GGA2: variants seen among roughly 807,000 people sequenced by gnomAD.
GGA2 encodes the protein ADP-ribosylation factor-binding protein GGA2.
A neutral mutation model predicts 79.5 loss-of-function variants in GGA2; 48 were observed. The observed-to-expected ratio is 0.60, with a 90% CI of 0.48 to 0.77. GGA2 has a LOEUF of 0.77. Among genes scored for constraint, GGA2 ranks in the 30% least tolerant of loss-of-function variants. The pLI, the probability that GGA2 is intolerant of heterozygous loss-of-function variation, is 0.00. For synonymous variants in GGA2, 317 were observed against 302.0 expected, an observed-to-expected ratio of 1.05 and a Z score of -0.51; for missense variants, 770 against 774.0, an observed-to-expected ratio of 0.99 and a Z score of 0.06.
chr16:23,486,726 T>C lies in GGA2; in HGVS notation c.644A>G (p.Lys215Arg), dbSNP rs1964717827. Residue 215 changes from lysine (K) to arginine (R), a missense_variant, in exon 7 of 17, where the codon AAG becomes AGG. Coordinates refer to ENST00000309859, the MANE Select transcript of GGA2 (RefSeq NM_015044.4). ...EDLQAANRLI[K>R]NLVKEEQEKS... ...AATGCCCACCTCCTTGACCAAATTC[T>C]TGATTAACCGGTTTGCAGCCTGAAG... 2 of 1,607,748 alleles carry C rather than the reference T, an allele frequency of 1.2e-6. No homozygotes were observed. The highest frequency in any genetic ancestry group is 1.7e-6 in the Non-Finnish European group (2 of 1,174,154).
At chr16:23,485,224 T>G (rs1964697125) in intron 8 of GGA2, among the ~76,000 whole-genome samples, 1 of 152,154 alleles carries the variant, frequency 6.6e-6, no homozygotes, top group South Asian at 2.1e-4. Flanking sequence ...TGCCAGGGAC[T>G]GGGGAAAGGG....
rs188712322 is a variant in GGA2 at position 23,470,882 on chromosome 16, T to C, written c.1451-717A>G. ...TTCGCTTTTGTTGCCCAGGCTGGAATGCAATGGCATGATCTTGGCTCACCG... is the reference window on the plus strand; with the variant it reads ...TTCGCTTTTGTTGCCCAGGCTGGAACGCAATGGCATGATCTTGGCTCACCG... On this transcript the variant is annotated intron_variant, in intron 14 of 16. Transcript: ENST00000309859. 4.4e-3 allele frequency among the ~76,000 whole-genome samples: 612 copies of C among 137,548 alleles called. 4 individuals are homozygous for C. Among genetic ancestry groups the C allele is most frequent in the Middle Eastern group, 8.5e-3 (2 of 234 alleles). The allele number at this position is 137,548 out of a possible 152,430, so 90.2% of individuals were successfully genotyped here.
intron 14 of GGA2, among the ~76,000 whole-genome samples, chr16:23,474,684 T>G (rs962365837): frequency 6.6e-6 from 1 of 152,014 alleles, no homozygotes; most frequent in Non-Finnish European, 1.5e-5. Context: ...ACTCCTGGCC[T>G]CAAGTGATCC....
chr16:23,512,608 C>G (rs1206039471), upstream of GGA2, among the ~76,000 whole-genome samples: 1 of 151,764 alleles, frequency 6.6e-6, no homozygotes, highest in African/African-American at 2.4e-5. Flanking sequence ...ACTTGCACAT[C>G]CATTTCAACA....
In GGA2 at chr16:23,465,329, A is replaced by C; in HGVS notation, c.*2261T>G. On this transcript the variant is annotated 3_prime_UTR_variant, in exon 17 of 17. Coordinates refer to ENST00000309859, the MANE Select transcript of GGA2 (RefSeq NM_015044.4). ...AATGAAGAGGTAGGAGCTGGGCTCT[A>C]AGTGGCCACTGGACTTGCTGATTAG... The C allele has an allele frequency of 1.4e-6, 1 of 702,812 alleles. No homozygotes were observed. The highest frequency in any genetic ancestry group is 2.6e-6 in the Non-Finnish European group (1 of 384,820). The allele number at this position is 702,812 out of a possible 1,614,324, so 43.5% of individuals were successfully genotyped here.
chr16:23,470,432 G>A (rs576180152), intron 14 of GGA2, among the ~76,000 whole-genome samples: 9 of 152,084 alleles, frequency 5.9e-5, no homozygotes, highest in Non-Finnish European at 5.9e-5. Flanking sequence ...AGGAAGATAC[G>A]ATCATTATTA....
upstream of GGA2, chr16:23,510,558 C>CG (rs536540899): frequency 1.3e-4 from 50 of 389,844 alleles, no homozygotes; most frequent in South Asian, 1.1e-3. Flanking sequence ...CCCAGGCCCC[C>CG]CCTCCACGCG....
chr16:23,465,187 T>A lies in GGA2; in HGVS notation c.*2403A>T, dbSNP rs767297240. 1 of 617,948 alleles carries A rather than the reference T, an allele frequency of 1.6e-6. No homozygotes were observed. Among genetic ancestry groups the A allele is most frequent in the Non-Finnish European group, 2.9e-6 (1 of 345,704 alleles). 38.3% of individuals were successfully genotyped at this position (617,948 alleles called of 1,614,324 possible). ...AAAAAACAGAGACACGGTCTCACTA[T>A]GTAGCCCAGGCTGGACTTGAAATCC... On this transcript the variant is annotated 3_prime_UTR_variant, in exon 17 of 17. Transcript: ENST00000309859.
At position 23,488,799 on chromosome 16, in the gene GGA2, C is replaced by T. The variant is rs574425811; in HGVS notation, c.476-90G>A. ...GTATAAAGTCTGGAAACCCCTGGTT[C>T]CTAATACCATGCTAGCAAAGCACTG... On this transcript the variant is annotated intron_variant, in intron 5 of 16. Transcript: ENST00000309859. The T allele has an allele frequency of 2.1e-5, 15 of 731,360 alleles. No homozygotes were observed. In the African/African-American group the frequency reaches 2.5e-4, roughly 12 times the overall value. 45.3% of individuals were successfully genotyped at this position (731,360 alleles called of 1,614,324 possible).
chr16:23,473,589 A>G (rs1045475295), intron 14 of GGA2, among the ~76,000 whole-genome samples: 20 of 151,992 alleles, frequency 1.3e-4, no homozygotes, highest in African/African-American at 4.6e-4. Flanking sequence ...TGGCCTCCCA[A>G]AGTGCTGGGA....
At chr16:23,514,169 G>A (rs565093131), upstream of GGA2, among the ~76,000 whole-genome samples, 8 of 151,258 alleles carry the variant, frequency 5.3e-5, no homozygotes, top group Middle Eastern at 3.4e-3. Flanking sequence ...GCAGTGGCTC[G>A]ATCTTGGCTC....
At chr16:23,489,715 C>T (rs528780605) in intron 5 of GGA2, among the ~76,000 whole-genome samples, 1 of 152,144 alleles carries the variant, frequency 6.6e-6, no homozygotes, top group Non-Finnish European at 1.5e-5. Flanking sequence ...CAAGAGAATA[C>T]AGAATTTCTG....
At chr16:23,493,040 G>A (rs764632043) in intron 4 of GGA2, among the ~76,000 whole-genome samples, 39 of 152,324 alleles carry the variant, frequency 2.6e-4, no homozygotes, top group South Asian at 8.3e-4. Flanking sequence ...GAGGTGATAG[G>A]AAACTTTCAC....
Position 23,468,987 on chromosome 16 carries a change from C to A in GGA2, c.1630G>T (p.Val544Leu). 6.3e-7 allele frequency: 1 copy of A among 1,598,102 alleles called. No individual in the cohort carries two copies. Among genetic ancestry groups the A allele is most frequent in the Non-Finnish European group, 8.6e-7 (1 of 1,165,416 alleles). ...FQVAVPKSMR[V>L]KLQPASSSKL... is the part of the protein sequence containing the mutation. Reference sequence around the variant, plus strand: ...GAGCTGGATGCCGGCTGCAGCTTCACTCTCATTGACTATCAGGGGAAGAAA... The same window carrying A: ...GAGCTGGATGCCGGCTGCAGCTTCAATCTCATTGACTATCAGGGGAAGAAA... Residue 544 changes from valine to leucine, a missense_variant, in exon 16 of 17, where the codon GTG (valine) becomes TTG (leucine). Physicochemically the swap from Val to Leu is conservative, Grantham distance 32. Coordinates refer to ENST00000309859, the MANE Select transcript of GGA2 (RefSeq NM_015044.4).
In GGA2 at chr16:23,466,180, T is replaced by C. The variant is rs1327621306; in HGVS notation, c.*1410A>G. The C allele has an allele frequency of 6.6e-6, 1 of 152,156 alleles. No homozygotes were observed. Among genetic ancestry groups the C allele is most frequent in the African/African-American group, 2.4e-5 (1 of 41,432 alleles). The allele number at this position is 152,156 out of a possible 1,614,324, so 9.4% of individuals were successfully genotyped here. A position where few individuals can be genotyped will look rare whatever the true frequency, so the allele number is the denominator to read the frequency against. The stretch of plus-strand genomic sequence containing the variant: ...CAGACTGTAAAAATATCAGATATTG[T>C]AATTAAGAGCTCCAAACAAGTCTTG... On this transcript the variant is annotated 3_prime_UTR_variant, in exon 17 of 17. Coordinates refer to ENST00000309859, the MANE Select transcript of GGA2 (RefSeq NM_015044.4).
chr16:23,468,335 G>A (rs1447914841), intron 16 of GGA2, among the ~76,000 whole-genome samples: 1 of 150,934 alleles, frequency 6.6e-6, no homozygotes, highest in Admixed American at 6.6e-5. Context: ...ACGCCACCAT[G>A]CCCAGCTAAT....
intron 13 of GGA2, among the ~76,000 whole-genome samples, chr16:23,476,127 C>T (rs886885031): frequency 6.6e-6 from 1 of 152,116 alleles, no homozygotes; most frequent in Non-Finnish European, 1.5e-5. Context: ...ACAAATTATA[C>T]CAGCTACTAT....
rs1320124728 is a variant in GGA2, at chr16:23,468,735, A to G, written c.1731+151T>C. The G allele has an allele frequency of 2.3e-5, 12 of 527,526 alleles. No individual in the cohort carries two copies. The East Asian group carries it at 3.7e-4, about 16-fold the overall frequency. The allele number at this position is 527,526 out of a possible 1,614,324, so 32.7% of individuals were successfully genotyped here. A position where few individuals can be genotyped will look rare whatever the true frequency, so the allele number is the denominator to read the frequency against. On this transcript the variant is annotated intron_variant, in intron 16 of 16. Coordinates refer to ENST00000309859, the MANE Select transcript of GGA2 (RefSeq NM_015044.4). ...GTGGTCCACCTGCCTCAGCCTCCCA[A>G]AGTGCTGGGATTACAGGGGTGAACC...
At chr16:23,515,121 T>G (rs1471919952), upstream of GGA2, among the ~76,000 whole-genome samples, 2 of 147,382 alleles carry the variant, frequency 1.4e-5, no homozygotes, top group Admixed American at 6.8e-5. Flanking sequence ...TTTCATGGGG[T>G]TTTTTTTTTC....
Sources: gnomAD v4.1 joint callset for allele counts (sites outside exome capture counted in the v4.1 genomes callset) on GRCh38, gnomAD v4.1.1 for gene constraint, MANE v1.5 for transcripts, NCBI Gene and HGNC (gene_info 2026-07-23, HGNC 2026-07-21) for gene names.